Variants in ITGAE observed in about 807,000 individuals in gnomAD.
The protein encoded by ITGAE is integrin alpha-E.
In ITGAE, 99 loss-of-function variants were observed where a neutral mutation model predicts 136.5. The ratio of observed to expected loss-of-function variants is 0.73; its 90% confidence interval spans 0.62 to 0.86. ITGAE has a LOEUF of 0.86. Ranked by LOEUF, ITGAE falls within the 40% of genes least tolerant of loss-of-function variation. ITGAE has a pLI of 0.00. For synonymous variants in ITGAE, 613 were observed against 591.8 expected, an observed-to-expected ratio of 1.04 and a Z score of -0.52; for missense variants, 1,447 against 1,515.3, an observed-to-expected ratio of 0.95 and a Z score of 0.75.
chr17:3,738,412 G>A (rs949227058), intron 20 of ITGAE, among the ~76,000 whole-genome samples: 1 of 152,060 alleles, frequency 6.6e-6, no homozygotes, highest in Non-Finnish European at 1.5e-5. Flanking sequence ...CTCATGATCC[G>A]CCTACCTCTG....
At position 3,753,940 on chromosome 17, in the gene ITGAE, G is replaced by C. The variant is rs376649028; in HGVS notation, c.1385-15C>G. On this transcript the variant is annotated splice_polypyrimidine_tract_variant and intron_variant, in intron 12 of 30. Coordinates refer to ENST00000263087, the MANE Select transcript of ITGAE (RefSeq NM_002208.5). ...CACAGCGTAACCTGGGGCAAGGGTG[G>C]TGTGGCTGTGAACACACCGTGTGCT... The C allele has an allele frequency of 4.6e-5, 74 of 1,612,834 alleles. No homozygotes were observed. Among genetic ancestry groups the C allele is most frequent in the Admixed American group, 1.8e-4 (11 of 59,988 alleles).
At chr17:3,724,240 A>G (rs1299799757) in intron 26 of ITGAE, 15 of 1,593,272 alleles carry the variant, frequency 9.4e-6, no homozygotes, top group African/African-American at 1.3e-5. Context: ...AAGCGCTGGA[A>G]GCTGCGAGCT....
intron 21 of ITGAE, among the ~76,000 whole-genome samples, chr17:3,733,070 A>G (rs932833211): frequency 5.3e-5 from 8 of 151,412 alleles, no homozygotes; most frequent in Non-Finnish European, 1.2e-4. Context: ...TGCAACCTCC[A>G]CCTCCCGGGT....
chr17:3,724,255 C>T (rs757981081), intron 26 of ITGAE: 10 of 1,591,806 alleles, frequency 6.3e-6, no homozygotes, highest in Non-Finnish European at 8.5e-6. Context: ...CGAGCTCGCC[C>T]AAGCCTAACC....
intron 26 of ITGAE, chr17:3,726,564 G>A (rs747992188): frequency 3.9e-6 from 2 of 512,082 alleles, no homozygotes; most frequent in African/African-American, 3.8e-5. Flanking sequence ...ACAGTGGCGT[G>A]CGCCTGTAGT....
intron 1 of ITGAE, among the ~76,000 whole-genome samples, chr17:3,779,354 G>GTCT (rs2052613031): frequency 6.6e-6 from 1 of 150,930 alleles, no homozygotes. Context: ...TTGAGATGGG[G>GTCT]TCTTGCTCTG....
At chr17:3,717,109 G>A (rs1243439471) in intron 29 of ITGAE, 7 of 290,418 alleles carry the variant, frequency 2.4e-5, no homozygotes, top group African/African-American at 8.8e-5. Flanking sequence ...CACGGAATCC[G>A]GTCTCAACAC....
intron 17 of ITGAE, 57 bp downstream of exon 17, chr17:3,747,865 A>G: frequency 1.1e-6 from 1 of 883,466 alleles, no homozygotes; most frequent in Non-Finnish European, 1.6e-6. Flanking sequence ...CCCCTTACAG[A>G]AGCCAAAAAG....
intron 1 of ITGAE, among the ~76,000 whole-genome samples, chr17:3,797,641 A>T (rs1437522387): frequency 4.0e-5 from 6 of 150,972 alleles, no homozygotes; most frequent in African/African-American, 9.8e-5. Flanking sequence ...TTGTATTTTT[A>T]GTAGAGACGG....
chr17:3,770,059 T>C (rs2052383373), intron 2 of ITGAE, among the ~76,000 whole-genome samples: 1 of 152,092 alleles, frequency 6.6e-6, no homozygotes, highest in Admixed American at 6.6e-5. Flanking sequence ...GAAGCTCACA[T>C]CTTGCCTTCA....
At chr17:3,724,853 A>G in intron 26 of ITGAE, 1 of 1,614,108 alleles carries the variant, frequency 6.2e-7, no homozygotes, top group Non-Finnish European at 8.5e-7. Context: ...GAGGGCTTCA[A>G]GAGGCCGTCC....
In ITGAE at chr17:3,799,948, G is replaced by C. The variant is rs1408902264; in HGVS notation, c.34+1163C>G. 6.6e-6 allele frequency among the ~76,000 whole-genome samples: 1 copy of C among 152,068 alleles called. No individual in the cohort carries two copies. The highest frequency in any genetic ancestry group is 2.4e-5 in the African/African-American group (1 of 41,410). ...AGCCTGACCAATATGGTGAGACCCTGTCTCTACTAAAAATACAAAAATTAG... is the reference window on the plus strand; with the variant it reads ...AGCCTGACCAATATGGTGAGACCCTCTCTCTACTAAAAATACAAAAATTAG... On this transcript the variant is annotated intron_variant, in intron 1 of 30. Transcript: ENST00000263087. The surrounding 1 kb of genome is among the most constrained non-coding windows in gnomAD (Gnocchi z 4.1).
At chr17:3,724,326 GGCC>G (rs763706132) in intron 26 of ITGAE, 1 of 1,587,844 alleles carries the variant, frequency 6.3e-7, no homozygotes, top group Non-Finnish European at 8.5e-7. Flanking sequence ...CACACCCTGC[GGCC>G]CGCTCCGACT....
rs1418251244 is a variant in ITGAE, at chr17:3,798,818, T to C, written c.34+2293A>G. 1.3e-5 allele frequency among the ~76,000 whole-genome samples: 2 copies of C among 152,178 alleles called. No individual in the cohort carries two copies. The highest frequency in any genetic ancestry group is 6.5e-5 in the Admixed American group (1 of 15,282). ...TGCAGAATGAGTCAGGGGTGAAGAC[T>C]GACTTGGGGACAGCAGGCCACAGGG... On this transcript the variant is annotated intron_variant, in intron 1 of 30. Coordinates refer to ENST00000263087, the MANE Select transcript of ITGAE (RefSeq NM_002208.5). The surrounding 1 kb of genome is among the most constrained non-coding windows in gnomAD (Gnocchi z 4.3).
At chr17:3,740,172 T>G (rs930640131) in intron 19 of ITGAE, among the ~76,000 whole-genome samples, 2 of 152,284 alleles carry the variant, frequency 1.3e-5, no homozygotes, top group Admixed American at 6.5e-5. Flanking sequence ...GCCCATGACA[T>G]TTACATCATG....
chr17:3,776,338 G>A (rs1044253974), intron 2 of ITGAE, among the ~76,000 whole-genome samples: 32 of 151,862 alleles, frequency 2.1e-4, no homozygotes, highest in African/African-American at 6.3e-4. Flanking sequence ...GATTACAGGC[G>A]TGAGCCACCG....
chr17:3,774,869 C>T (rs1161244338), intron 2 of ITGAE, among the ~76,000 whole-genome samples: 1 of 152,198 alleles, frequency 6.6e-6, no homozygotes, highest in African/African-American at 2.4e-5. Context: ...CAGAGCTTCT[C>T]CTAACTGCAG....
chr17:3,716,843 CAAG>C (rs1567750833), intron 29 of ITGAE, 45 bp from the exon 30 acceptor site: 1 of 1,159,250 alleles, frequency 8.6e-7, no homozygotes, highest in Non-Finnish European at 1.3e-6. Flanking sequence ...GTGAAGCAAA[CAAG>C]GAAAAAATCC....
At chr17:3,756,909 A>G (rs946743891) in intron 10 of ITGAE, 75 bp downstream of exon 10, 35 of 1,494,446 alleles carry the variant, frequency 2.3e-5, no homozygotes, top group Non-Finnish European at 3.1e-5. Flanking sequence ...GAGAAACCAC[A>G]TGAAGATGGG....
Sources: allele counts gnomAD v4.1 joint callset (sites outside exome capture counted in the v4.1 genomes callset), GRCh38; gene constraint gnomAD v4.1.1; non-coding constraint Gnocchi (gnomAD v3.1); transcripts MANE v1.5; gene names NCBI Gene and HGNC (gene_info 2026-07-23, HGNC 2026-07-21).